Variants in MOB1B observed in about 807,000 individuals in gnomAD.
The protein encoded by MOB1B is MOB1 Mps One Binder homolog B.
A neutral mutation model predicts 24.4 loss-of-function variants in MOB1B; 19 were observed. The observed-to-expected ratio is 0.78, with a 90% confidence interval of 0.54 to 1.14. MOB1B has a LOEUF of 1.14. Among genes scored for constraint, MOB1B ranks in the 50% most tolerant of loss-of-function variants. MOB1B has a pLI of 0.00. For missense variants in MOB1B, 243 were observed against 259.6 expected, an observed-to-expected ratio of 0.94 and a Z score of 0.44; for synonymous variants, 76 against 82.1, an observed-to-expected ratio of 0.93 and a Z score of 0.40.
In MOB1B at chr4:70,934,481, C is replaced by G. The variant is rs112658804; in HGVS notation, c.15-24393C>G. 7.4e-3 allele frequency among the ~76,000 whole-genome samples: 1,113 copies of G among 150,182 alleles called. 17 individuals are homozygous for G. Among genetic ancestry groups the G allele is most frequent in the African/African-American group, 0.024 (976 of 40,822 alleles). On this transcript the variant is annotated intron_variant, in intron 1 of 5. Transcript: ENST00000309395. ...TTTTTTTTTTCTTTTGAGACCGAGTCTTGCTCTGTCACTCCAGGCTGGAGT... is the reference window on the plus strand; with the variant it reads ...TTTTTTTTTTCTTTTGAGACCGAGTGTTGCTCTGTCACTCCAGGCTGGAGT...
At chr4:70,920,285 G>T (rs1489736110) in intron 1 of MOB1B, among the ~76,000 whole-genome samples, 1 of 151,518 alleles carries the variant, frequency 6.6e-6, no homozygotes, top group East Asian at 1.9e-4. Flanking sequence ...TCCTTCAACA[G>T]TCTCACTCTC....
At position 70,979,149 on chromosome 4, in the gene MOB1B, T is replaced by A. The variant is rs764175274; in HGVS notation, c.431T>A (p.Phe144Tyr). The A allele has an allele frequency of 6.2e-7, 1 of 1,613,662 alleles. No individual in the cohort carries two copies. Among genetic ancestry groups the A allele is most frequent in the African/African-American group, 1.3e-5 (1 of 74,916 alleles). Residue 144 changes from phenylalanine to tyrosine, a missense_variant, in exon 5 of 6, where the codon TTC becomes TAC. Transcript: ENST00000309395. The part of the protein sequence containing the change: ...SKIGVPFPKN[F>Y]MSVAKTILKR... ...CTAGGTGTCCCGTTCCCAAAGAATT[T>A]CATGTCTGTGGCAAAAACTATACTC...
In MOB1B at chr4:70,987,244, TGA is replaced by T. The variant is rs1739409861; in HGVS notation, c.*5188_*5189del. The stretch of plus-strand genomic sequence containing the variant: ...ATTTCACTGAAGCTGAGATTATTAG[TGA>T]TACAAAGTTAAAATTTCAATATTTA... On this transcript the variant is annotated 3_prime_UTR_variant, in exon 6 of 6. Coordinates refer to ENST00000309395, the MANE Select transcript of MOB1B (RefSeq NM_173468.4). 6 of 152,014 alleles carry T rather than the reference TGA, an allele frequency of 3.9e-5. No homozygotes were observed. Among genetic ancestry groups the T allele is most frequent in the Admixed American group, 3.9e-4 (6 of 15,270 alleles). 9.4% of individuals were successfully genotyped at this position (152,014 alleles called of 1,614,324 possible).
At position 70,928,327 on chromosome 4, in the gene MOB1B, G is replaced by T. The variant is rs367602773; in HGVS notation, c.14+25777G>T. Among the ~76,000 whole-genome samples the T allele has an allele frequency of 4.4e-5, 6 of 137,804 alleles. No individual in the cohort carries two copies. The East Asian group carries it at 6.3e-4, about 15-fold the overall frequency. The allele number at this position is 137,804 out of a possible 152,430, so 90.4% of individuals were successfully genotyped here. On this transcript the variant is annotated intron_variant, in intron 1 of 5. Transcript: ENST00000309395. ...TTTTTTTTTTTTGAGATGGAGTCTT[G>T]CTGTGTCACCTAGGCTGGAATGCAG...
intron 1 of MOB1B, among the ~76,000 whole-genome samples, chr4:70,955,421 G>A (rs1331688310): frequency 1.4e-5 from 2 of 146,116 alleles, no homozygotes; most frequent in African/African-American, 5.0e-5. Context: ...ACATAAATTA[G>A]TAAAATGTCT....
chr4:70,932,714 G>A (rs980891441), intron 1 of MOB1B, among the ~76,000 whole-genome samples: 2 of 152,154 alleles, frequency 1.3e-5, no homozygotes, highest in African/African-American at 4.8e-5. Flanking sequence ...AAATTACAAC[G>A]TGGTACATGT....
rs926052719 is a variant in MOB1B, at chr4:70,984,113, C to G, written c.*2056C>G. 18 of 152,498 alleles carry G rather than the reference C, an allele frequency of 1.2e-4. No homozygotes were observed. The highest frequency in any genetic ancestry group is 2.1e-4 in the Non-Finnish European group (14 of 67,976). 9.4% of individuals were successfully genotyped at this position (152,498 alleles called of 1,614,324 possible). A position where few individuals can be genotyped will look rare whatever the true frequency, so the allele number is the denominator to read the frequency against. ...AAAAATTAATCTTGCCCTTTCAAGC[C>G]TTATACAGTAGTACACTGTACTTGT... On this transcript the variant is annotated 3_prime_UTR_variant, in exon 6 of 6. Coordinates refer to ENST00000309395, the MANE Select transcript of MOB1B (RefSeq NM_173468.4).
intron 1 of MOB1B, among the ~76,000 whole-genome samples, chr4:70,926,779 G>A (rs902380900): frequency 6.6e-5 from 10 of 152,122 alleles, no homozygotes; most frequent in Non-Finnish European, 1.5e-4. Context: ...GGTGGATCAT[G>A]AGGTCAGGAG....
intron 2 of MOB1B, among the ~76,000 whole-genome samples, chr4:70,960,115 C>G (rs1218134484): frequency 2.0e-5 from 3 of 152,010 alleles, no homozygotes; most frequent in Non-Finnish European, 4.4e-5. Context: ...AACTCCTGAC[C>G]TTGTGATCCA....
At chr4:70,957,204 G>A (rs1350769812) in intron 1 of MOB1B, among the ~76,000 whole-genome samples, 1 of 137,638 alleles carries the variant, frequency 7.3e-6, no homozygotes, top group African/African-American at 2.8e-5. Flanking sequence ...CCCACTTCTC[G>A]AGCTGAGATC....
At chr4:70,967,219 C>T (rs1738568685) in intron 2 of MOB1B, among the ~76,000 whole-genome samples, 1 of 151,904 alleles carries the variant, frequency 6.6e-6, no homozygotes. Flanking sequence ...CTGCAACCTC[C>T]GCCTCCTGGG....
In MOB1B at chr4:70,939,373, A is replaced by G. The variant is rs143406111; in HGVS notation, c.15-19501A>G. 5.9e-5 allele frequency among the ~76,000 whole-genome samples: 9 copies of G among 152,328 alleles called. No individual in the cohort carries two copies. The East Asian group carries it at 1.7e-3, about 29-fold the overall frequency. On this transcript the variant is annotated intron_variant, in intron 1 of 5. Transcript: ENST00000309395. ...ATAAAGTAGATGAATAACTGATTTA[A>G]TGTCCCTAAGAAAACCCAATCCTAG...
chr4:70,913,358 G>A (rs1430806708), intron 1 of MOB1B, among the ~76,000 whole-genome samples: 1 of 152,002 alleles, frequency 6.6e-6, no homozygotes, highest in Non-Finnish European at 1.5e-5. Flanking sequence ...ATGCTGTGGT[G>A]TGACTGTGGC....
chr4:70,924,050 G>A (rs1398905430), intron 1 of MOB1B, among the ~76,000 whole-genome samples: 2 of 151,502 alleles, frequency 1.3e-5, no homozygotes, highest in African/African-American at 4.9e-5. Flanking sequence ...TAGAAACAAT[G>A]GGGGAAAGGT....
intron 1 of MOB1B, among the ~76,000 whole-genome samples, chr4:70,903,281 T>A (rs1354168368): frequency 2.0e-5 from 3 of 152,190 alleles, no homozygotes; most frequent in Non-Finnish European, 4.4e-5. Flanking sequence ...GTTGATTAGG[T>A]CCACTGGGGA....
intron 1 of MOB1B, among the ~76,000 whole-genome samples, chr4:70,930,885 A>G (rs1377990399): frequency 6.6e-6 from 1 of 152,136 alleles, no homozygotes; most frequent in Non-Finnish European, 1.5e-5. Flanking sequence ...CAACGTCTCA[A>G]ATAATGTGAA....
chr4:70,947,964 A>G (rs1490436931), intron 1 of MOB1B, among the ~76,000 whole-genome samples: 1 of 152,186 alleles, frequency 6.6e-6, no homozygotes, highest in Non-Finnish European at 1.5e-5. Context: ...TTTCTTTCAT[A>G]AGATGCTTTT....
intron 1 of MOB1B, among the ~76,000 whole-genome samples, chr4:70,953,907 G>A (rs1237375522): frequency 3.9e-5 from 6 of 152,062 alleles, no homozygotes; most frequent in African/African-American, 1.4e-4. Flanking sequence ...TTATGCCACT[G>A]CACTCCAGCC....
intron 1 of MOB1B, among the ~76,000 whole-genome samples, chr4:70,903,589 A>G (rs1013689682): frequency 3.3e-5 from 5 of 152,190 alleles, no homozygotes; most frequent in Non-Finnish European, 1.5e-5. Flanking sequence ...ACTCACCCAT[A>G]TACTGTTTTA....
Sources: gnomAD v4.1 joint callset for allele counts (sites outside exome capture counted in the v4.1 genomes callset) on GRCh38, gnomAD v4.1.1 for gene constraint, MANE v1.5 for transcripts, NCBI Gene and HGNC (gene_info 2026-07-23, HGNC 2026-07-21) for gene names.